The following WDHD1 variants were observed in gnomAD, a reference collection of about 807,000 sequenced individuals.
WDHD1 encodes WD repeat and HMG-box DNA binding protein 1.
Under a neutral mutation model 135.4 loss-of-function variants are expected in WDHD1, and 111 were observed. That is an observed-to-expected ratio of 0.82 (90% CI 0.70 to 0.96). The LOEUF is 0.96. Among genes scored for constraint, WDHD1 ranks in the 40% least tolerant of loss-of-function variants. The pLI is 0.00. For synonymous variants in WDHD1, 434 were observed against 439.0 expected (o/e 0.99, Z 0.14); for missense variants, 1,351 against 1,336.3 (o/e 1.01, Z -0.17).
At chr14:54,972,092 G>A (rs2041444058) in intron 16 of WDHD1, among the ~76,000 whole-genome samples, 2 of 151,888 alleles carry the variant, frequency 1.3e-5, no homozygotes, top group East Asian at 1.9e-4. Context: ...CTAACACAGT[G>A]AAACCCTGTC....
rs1352068718 is a variant in WDHD1 at position 54,940,062 on chromosome 14, C to T, written c.*1428G>A. 6.6e-6 allele frequency: 1 copy of T among 152,086 alleles called. No individual in the cohort carries two copies. The highest frequency in any genetic ancestry group is 1.5e-5 in the Non-Finnish European group (1 of 68,020). The allele number at this position is 152,086 out of a possible 1,614,324, so 9.4% of individuals were successfully genotyped here. On this transcript the variant is annotated 3_prime_UTR_variant, in exon 26 of 26. Transcript: ENST00000360586. Reference sequence around the variant, plus strand: ...CAAAGCAAGATGAAATAACCAACAGCATCATCATTATCAGAATAGTAACTA... The same window carrying T: ...CAAAGCAAGATGAAATAACCAACAGTATCATCATTATCAGAATAGTAACTA...
chr14:54,962,790 A>T lies in WDHD1; in HGVS notation c.2595T>A (p.Ala865=), dbSNP rs2041273257. The change falls in exon 20 of 26, where the codon GCT becomes GCA. Residue 865 remains alanine (A), a synonymous_variant. Transcript: ENST00000360586. The part of the protein sequence containing the change: ...PRFRNQVEED[A]EDSGEADDEE... ...CATCATCAGCTTCTCCACTGTCCTC[A>T]GCATCTTCTTCAACTTGATTTCTGA... 5 of 1,613,678 alleles carry T rather than the reference A, an allele frequency of 3.1e-6. No homozygotes were observed. Among genetic ancestry groups the T allele is most frequent in the Non-Finnish European group, 4.2e-6 (5 of 1,180,018 alleles).
At chr14:54,995,881 G>T (rs1323325571) in intron 10 of WDHD1, 68 bp from the exon 11 acceptor site, 1 of 1,306,318 alleles carries the variant, frequency 7.7e-7, no homozygotes, top group Non-Finnish European at 1.0e-6. Context: ...TACTAAAAAG[G>T]TAAACTTTTA....
chr14:55,014,365 C>T (rs1232330346), intron 2 of WDHD1, among the ~76,000 whole-genome samples: 3 of 152,220 alleles, frequency 2.0e-5, no homozygotes, highest in Admixed American at 2.0e-4. Flanking sequence ...CAAGGGATTA[C>T]AGACATGAGT....
chr14:55,013,404 T>C (rs2042206380), intron 3 of WDHD1, 81 bp downstream of exon 3: 1 of 933,068 alleles, frequency 1.1e-6, no homozygotes, highest in South Asian at 1.4e-5. Flanking sequence ...TATATCTATA[T>C]TCAAAAATAT....
intron 7 of WDHD1, 80 bp from the exon 8 acceptor site, chr14:55,002,265 C>T: frequency 1.0e-6 from 1 of 980,528 alleles, no homozygotes; most frequent in South Asian, 1.5e-5. Context: ...AAAATTCATT[C>T]AGATATATTT....
chr14:55,022,676 T>A (rs1252069840), intron 2 of WDHD1, among the ~76,000 whole-genome samples: 2 of 151,498 alleles, frequency 1.3e-5, no homozygotes, highest in Admixed American at 6.6e-5. Context: ...CTAGACTCCA[T>A]CTCAAAAAAA....
chr14:55,014,468 C>T (rs980199678), intron 2 of WDHD1, among the ~76,000 whole-genome samples: 1 of 152,158 alleles, frequency 6.6e-6, no homozygotes, highest in Non-Finnish European at 1.5e-5. Flanking sequence ...ACCGTATCTT[C>T]CTTGTCCACC....
chr14:55,004,387 C>T (rs1218673903), intron 7 of WDHD1, among the ~76,000 whole-genome samples: 1 of 152,058 alleles, frequency 6.6e-6, no homozygotes, highest in African/African-American at 2.4e-5. Flanking sequence ...GAATTATTTG[C>T]ATCACTTTTC....
At chr14:55,010,243 C>T (rs1054705775) in intron 4 of WDHD1, 66 bp downstream of exon 4, 9 of 1,406,724 alleles carry the variant, frequency 6.4e-6, no homozygotes, top group Non-Finnish European at 8.4e-6. Context: ...AAACACTACC[C>T]TGAAACAAAT....
chr14:54,987,337 A>G lies in WDHD1; in HGVS notation c.1577T>C (p.Ile526Thr). The change falls in exon 14 of 26, where the codon ATA (isoleucine) becomes ACA (threonine). Residue 526 changes from isoleucine (I) to threonine (T), a missense_variant. By Grantham distance (89) the Ile-to-Thr change is moderately conservative. This residue lies in a region of WDHD1 where 1,330 missense variants were observed against 1,296.1 expected (regional missense o/e 1.03). Coordinates refer to ENST00000360586, the MANE Select transcript of WDHD1 (RefSeq NM_007086.4). ...ATCCTCATTCTGAGGCAAGTCTATTATCCACTCTTTGCTTGAATCCCAAGA... is the reference window on the plus strand; with the variant it reads ...ATCCTCATTCTGAGGCAAGTCTATTGTCCACTCTTTGCTTGAATCCCAAGA... ...FSSWDSSKEW[I>T]IDLPQNEDIE... The G allele has an allele frequency of 6.2e-7, 1 of 1,614,096 alleles. No individual in the cohort carries two copies. The highest frequency in any genetic ancestry group is 8.5e-7 in the Non-Finnish European group (1 of 1,180,006).
Position 54,957,470 on chromosome 14 carries a change from G to A in WDHD1, c.2745+122C>T, listed in dbSNP as rs2041179403. 6 of 965,998 alleles carry A rather than the reference G, an allele frequency of 6.2e-6. No individual in the cohort carries two copies. The Admixed American group carries it at 1.2e-4, about 19-fold the overall frequency. 59.8% of individuals were successfully genotyped at this position (965,998 alleles called of 1,614,324 possible). ...CTCAGCCCAAGTGCTGCTTTCTTCT[G>A]TTTCCACACAGATCAGTCTTTCATG... On this transcript the variant is annotated intron_variant, in intron 22 of 25. Coordinates refer to ENST00000360586, the MANE Select transcript of WDHD1 (RefSeq NM_007086.4).
chr14:55,005,610 T>C (rs2042052918), intron 7 of WDHD1: 2 of 599,296 alleles, frequency 3.3e-6, no homozygotes, highest in Admixed American at 1.9e-5. Context: ...AAGCTGGTGC[T>C]ACCTAAGTGG....
At chr14:54,982,686 T>C (rs538721020) in intron 15 of WDHD1, among the ~76,000 whole-genome samples, 7 of 152,240 alleles carry the variant, frequency 4.6e-5, no homozygotes, top group Admixed American at 4.6e-4. Flanking sequence ...AAAAAATCTA[T>C]ACAAATGGAA....
At chr14:54,955,934 G>A (rs1386783163) in intron 23 of WDHD1, among the ~76,000 whole-genome samples, 1 of 114,136 alleles carries the variant, frequency 8.8e-6, no homozygotes, top group African/African-American at 3.5e-5. Flanking sequence ...GTCTCACTCT[G>A]TTGCCCAGGC....
intron 16 of WDHD1, among the ~76,000 whole-genome samples, chr14:54,976,560 A>C (rs1011057957): frequency 1.1e-4 from 17 of 152,178 alleles, no homozygotes; most frequent in African/African-American, 4.1e-4. Context: ...AGGCTACTAA[A>C]AAAGTGATTG....
chr14:54,979,068 T>C (rs189365252), intron 16 of WDHD1, among the ~76,000 whole-genome samples: 8 of 152,298 alleles, frequency 5.3e-5, no homozygotes, highest in Admixed American at 5.2e-4. Flanking sequence ...ATTACAAAAA[T>C]GCTATAGAGT....
chr14:54,981,650 G>C lies in WDHD1; in HGVS notation c.1953C>G (p.Asn651Lys). 1 of 1,611,600 alleles carries C rather than the reference G, an allele frequency of 6.2e-7. No homozygotes were observed. The highest frequency in any genetic ancestry group is 8.5e-7 in the Non-Finnish European group (1 of 1,177,952). The change falls in exon 16 of 26, where the codon AAC becomes AAG. Residue 651 changes from asparagine (N) to lysine (K), a missense_variant. Physicochemically the swap from Asn to Lys is moderately conservative, Grantham distance 94 (BLOSUM62 0). Around this residue, in one of 2 missense-constraint regions of WDHD1, gnomAD observed 1,330 missense variants for 1,296.1 expected, o/e 1.03. Transcript: ENST00000360586. ...VDSEGIVRML[N>K]RGLGNTWTPI... ...GAGTCCACGTATTACCAAGTCCTCTGTTAAGCATTCGAACAATTCCTTCTG... is the reference window on the plus strand; with the variant it reads ...GAGTCCACGTATTACCAAGTCCTCTCTTAAGCATTCGAACAATTCCTTCTG...
Position 54,962,798 on chromosome 14 carries a change from C to G in WDHD1, c.2587G>C (p.Glu863Gln). Residue 863 changes from glutamate to glutamine, a missense_variant, in exon 20 of 26, where the codon GAA becomes CAA. Glu to Gln is a conservative substitution (Grantham distance 29). Around this residue, in one of 2 missense-constraint regions of WDHD1, gnomAD observed 1,330 missense variants for 1,296.1 expected, o/e 1.03. Transcript: ENST00000360586. Reference sequence around the variant, plus strand: ...GCTTCTCCACTGTCCTCAGCATCTTCTTCAACTTGATTTCTGAACCTTGGT... The same window carrying G: ...GCTTCTCCACTGTCCTCAGCATCTTGTTCAACTTGATTTCTGAACCTTGGT... The part of the protein sequence containing the change: ...SQPRFRNQVE[E>Q]DAEDSGEADD... The G allele has an allele frequency of 3.1e-6, 5 of 1,613,630 alleles. No individual in the cohort carries two copies. The highest frequency in any genetic ancestry group is 1.1e-5 in the South Asian group (1 of 91,082).
Sources: gnomAD v4.1 joint callset for allele counts (sites outside exome capture counted in the v4.1 genomes callset) on GRCh38, gnomAD v4.1.1 for gene constraint, gnomAD v4.1.1 regional missense constraint, MANE v1.5 for transcripts, NCBI Gene and HGNC (gene_info 2026-07-23, HGNC 2026-07-21) for gene names.